GPHN: variants seen among roughly 807,000 people sequenced by gnomAD.
GPHN encodes gephyrin.
GPHN carries 17 observed loss-of-function variants against 95.5 expected under a neutral mutation model. The observed-to-expected ratio is 0.18, with a 90% CI of 0.12 to 0.27. GPHN has a LOEUF of 0.27. Ranked by LOEUF, GPHN falls within the 10% of genes least tolerant of loss-of-function variation. The pLI is 1.00. For missense variants in GPHN, 660 were observed against 978.1 expected (o/e 0.67, Z 4.34); for synonymous variants, 320 against 322.5 (o/e 0.99, Z 0.08).
intron 1 of GPHN, among the ~76,000 whole-genome samples, chr14:66,677,526 CTT>C (rs1316695989): frequency 6.6e-6 from 1 of 151,834 alleles, no homozygotes; most frequent in East Asian, 1.9e-4. Flanking sequence ...TTCTCAGGGT[CTT>C]TTCTCTTTTT....
the GPHN span, among the ~76,000 whole-genome samples, chr14:67,455,128 G>C: frequency 6.6e-6 from 1 of 152,204 alleles, no homozygotes; most frequent in Non-Finnish European, 1.5e-5. Context: ...GGGATTATAG[G>C]CATGAGCCAA....
chr14:66,525,268 A>G (rs1234741498), intron 1 of GPHN, among the ~76,000 whole-genome samples: 1 of 152,092 alleles, frequency 6.6e-6, no homozygotes, highest in African/African-American at 2.4e-5. Flanking sequence ...TTTTTTTCAT[A>G]TGTGTGTTGG....
chr14:66,657,830 G>C lies in GPHN; in HGVS notation c.65-23277G>C, dbSNP rs532935738. Among the ~76,000 whole-genome samples, 41 of 152,242 alleles carry C rather than the reference G, an allele frequency of 2.7e-4. No homozygotes were observed. The East Asian group carries it at 3.1e-3, about 11-fold the overall frequency. On this transcript the variant is annotated intron_variant, in intron 1 of 22. Transcript: ENST00000478722. ...GAGCTCTGATGAAAATGTACAAAGA[G>C]AATAATGTTGTTTTCATGGCTGCTA...
At chr14:67,492,922 T>A in the GPHN span, among the ~76,000 whole-genome samples, 1 of 152,144 alleles carries the variant, frequency 6.6e-6, no homozygotes, top group African/African-American at 2.4e-5. Context: ...GCTCTAAACA[T>A]ACTATAAGTT....
At chr14:67,559,353 G>T in the GPHN span, among the ~76,000 whole-genome samples, 1 of 152,152 alleles carries the variant, frequency 6.6e-6, no homozygotes, top group South Asian at 2.1e-4. Context: ...GAGGCACAGC[G>T]TTCTCCTTCC....
At chr14:67,537,352 T>A in the GPHN span, among the ~76,000 whole-genome samples, 15 of 131,104 alleles carry the variant, frequency 1.1e-4, 2 homozygotes, top group African/African-American at 4.5e-4. Context: ...TCAAAAATAA[T>A]AATAATAATA....
chr14:67,476,916 A>G, the GPHN span, among the ~76,000 whole-genome samples: 1 of 152,196 alleles, frequency 6.6e-6, no homozygotes, highest in South Asian at 2.1e-4. Context: ...ACCTGAGGTC[A>G]GGAGTTCAAG....
chr14:67,511,506 C>A, the GPHN span, among the ~76,000 whole-genome samples: 1 of 151,964 alleles, frequency 6.6e-6, no homozygotes, highest in Non-Finnish European at 1.5e-5. Context: ...GCCGAGAATC[C>A]CGAAAAAAAT....
the GPHN span, among the ~76,000 whole-genome samples, chr14:67,631,749 G>A: frequency 3.9e-5 from 6 of 151,942 alleles, no homozygotes; most frequent in African/African-American, 1.5e-4. Flanking sequence ...TCTTTTTCTA[G>A]CTACTTCTTA....
chr14:67,038,633 T>C (rs1170557589), intron 10 of GPHN, among the ~76,000 whole-genome samples: 3 of 152,128 alleles, frequency 2.0e-5, no homozygotes. Flanking sequence ...ACCACCTACA[T>C]ACCAATGGCT....
At chr14:67,397,547 G>T in the GPHN span, 1 of 871,128 alleles carries the variant, frequency 1.1e-6, no homozygotes, top group Non-Finnish European at 1.7e-6. Flanking sequence ...TTGAATCCAA[G>T]TTTTTCAATT....
chr14:66,759,509 G>A (rs1435885647), intron 2 of GPHN, among the ~76,000 whole-genome samples: 2 of 152,186 alleles, frequency 1.3e-5, no homozygotes, highest in Admixed American at 1.3e-4. Flanking sequence ...CATACTTACT[G>A]TTGTTGGTTT....
At chr14:67,650,949 A>T in the GPHN span, 6 of 1,601,940 alleles carry the variant, frequency 3.7e-6, no homozygotes, top group African/African-American at 8.0e-5. Context: ...ATGTTTCACA[A>T]CAGGCATTCC....
chr14:67,356,441 A>C, the GPHN span, among the ~76,000 whole-genome samples: 6,571 of 143,962 alleles, frequency 0.046, 190 homozygotes, highest in African/African-American at 0.08. Flanking sequence ...AAACAAAAAA[A>C]AAAAAACAAA....
intron 1 of GPHN, among the ~76,000 whole-genome samples, chr14:66,645,814 C>T (rs898271237): frequency 6.6e-6 from 1 of 151,612 alleles, no homozygotes; most frequent in Non-Finnish European, 1.5e-5. Context: ...ATTAGATACT[C>T]AGACTAACCC....
chr14:66,904,622 C>G (rs189010692), intron 5 of GPHN, among the ~76,000 whole-genome samples: 4 of 152,242 alleles, frequency 2.6e-5, no homozygotes, highest in African/African-American at 7.2e-5. Flanking sequence ...TCTCAATGCC[C>G]CCTTTAGACA....
chr14:67,078,385 T>A (rs1034824975), intron 11 of GPHN, among the ~76,000 whole-genome samples: 18 of 152,138 alleles, frequency 1.2e-4, no homozygotes, highest in Non-Finnish European at 1.8e-4. Context: ...CTCACTGCTG[T>A]TTCTCTACCA....
chr14:66,994,459 T>C (rs2071646929), intron 9 of GPHN, among the ~76,000 whole-genome samples: 2 of 152,154 alleles, frequency 1.3e-5, no homozygotes, highest in Non-Finnish European at 2.9e-5. Flanking sequence ...TGCAGTGGCC[T>C]AAGACATTAT....
intron 4 of GPHN, among the ~76,000 whole-genome samples, chr14:66,830,999 A>G (rs2061558856): frequency 6.6e-6 from 1 of 152,062 alleles, no homozygotes; most frequent in Non-Finnish European, 1.5e-5. Flanking sequence ...TTTCTTTCTT[A>G]TATTGTAATG....
Sources: allele counts gnomAD v4.1 joint callset (sites outside exome capture counted in the v4.1 genomes callset), GRCh38; gene constraint gnomAD v4.1.1; transcripts MANE v1.5; gene names NCBI Gene and HGNC (gene_info 2026-07-23, HGNC 2026-07-21).